VPS13D: variants seen among roughly 807,000 people sequenced by gnomAD.
The protein encoded by VPS13D is intermembrane lipid transfer protein VPS13D.
A neutral mutation model predicts 461.9 loss-of-function variants in VPS13D; 187 were observed. That is an observed-to-expected ratio of 0.40 (90% CI 0.36 to 0.46). The LOEUF is 0.46. Among genes scored for constraint, VPS13D ranks in the 20% least tolerant of loss-of-function variants. VPS13D has a pLI of 0.60. For missense variants in VPS13D, 4,711 were observed against 5,364.9 expected (o/e 0.88, Z 3.81); for synonymous variants, 1,951 against 1,986.3 (o/e 0.98, Z 0.47).
intron 5 of VPS13D, among the ~76,000 whole-genome samples, chr1:12,247,772 C>G (rs148140482): frequency 6.7e-6 from 1 of 149,634 alleles, no homozygotes; most frequent in African/African-American, 2.5e-5. Flanking sequence ...GGCGTGATCT[C>G]GGCTCACTGC....
At chr1:12,240,216 A>G (rs920143458) in intron 2 of VPS13D, among the ~76,000 whole-genome samples, 8 of 151,948 alleles carry the variant, frequency 5.3e-5, no homozygotes, top group South Asian at 2.1e-4. Flanking sequence ...GTTGCCTGCA[A>G]TTCCCTTTAC....
At chr1:12,381,179 C>A (rs1236673621) in intron 57 of VPS13D, among the ~76,000 whole-genome samples, 1 of 152,168 alleles carries the variant, frequency 6.6e-6, no homozygotes, top group African/African-American at 2.4e-5. Flanking sequence ...TCTTATTATG[C>A]TGAATAAAGT....
At chr1:12,354,470 G>A (rs1194090660) in intron 47 of VPS13D, among the ~76,000 whole-genome samples, 1 of 152,012 alleles carries the variant, frequency 6.6e-6, no homozygotes, top group Admixed American at 6.6e-5. Context: ...GAAGTTCGAG[G>A]CTTCAGTGAG....
At chr1:12,431,454 A>G (rs1169924437) in intron 65 of VPS13D, among the ~76,000 whole-genome samples, 1 of 150,194 alleles carries the variant, frequency 6.7e-6, no homozygotes, top group African/African-American at 2.5e-5. Context: ...CTGGCTACAG[A>G]TCTAGTATGA....
intron 60 of VPS13D, among the ~76,000 whole-genome samples, chr1:12,398,373 T>G (rs1217391385): frequency 6.6e-6 from 1 of 152,114 alleles, no homozygotes; most frequent in East Asian, 1.9e-4. Flanking sequence ...CTTTTTTTTT[T>G]TTTTGAGACG....
At chr1:12,401,816 A>G (rs1167562145) in intron 62 of VPS13D, 112 bp downstream of exon 62, 5 of 769,132 alleles carry the variant, frequency 6.5e-6, no homozygotes, top group Non-Finnish European at 1.1e-5. Flanking sequence ...CCCTTTCCAC[A>G]TCTCAGCCTG....
intron 60 of VPS13D, among the ~76,000 whole-genome samples, chr1:12,399,538 G>A (rs1644546027): frequency 6.6e-6 from 1 of 152,028 alleles, no homozygotes. Context: ...GTGTATAGTT[G>A]GCTGAGTGCG....
At chr1:12,347,235 G>T (rs532841802) in intron 44 of VPS13D, among the ~76,000 whole-genome samples, 1 of 151,666 alleles carries the variant, frequency 6.6e-6, no homozygotes, top group Non-Finnish European at 1.5e-5. Flanking sequence ...CAGTGGTGCC[G>T]TCTCAGCTCA....
intron 67 of VPS13D, among the ~76,000 whole-genome samples, chr1:12,475,199 G>A (rs1180284777): frequency 6.6e-6 from 1 of 152,180 alleles, no homozygotes; most frequent in African/African-American, 2.4e-5. Context: ...CAAGAGAACA[G>A]GATTGCAAAT....
chr1:12,343,511 C>A (rs72866701), intron 42 of VPS13D, among the ~76,000 whole-genome samples: 8 of 151,902 alleles, frequency 5.3e-5, no homozygotes, highest in Admixed American at 6.6e-5. Context: ...AAAGATATTT[C>A]GTAAATCAGT....
At position 12,508,896 on chromosome 1, in the gene VPS13D, C is replaced by T. The variant is rs1646149267; in HGVS notation, c.13039C>T (p.His4347Tyr). ...PGPSHQKPMVHVKSEVLAVKL... is the reference protein window; with the variant it reads ...PGPSHQKPMVYVKSEVLAVKL... ...CCCATCCTGTTCTCCTCCTTAGGTCCATGTGAAATCTGAGGTCCTTGCTGT... is the reference window on the plus strand; with the variant it reads ...CCCATCCTGTTCTCCTCCTTAGGTCTATGTGAAATCTGAGGTCCTTGCTGT... The change falls in exon 70 of 70, where the codon CAT (histidine) becomes TAT (tyrosine). Residue 4347 changes from histidine (H) to tyrosine (Y), a missense_variant. Physicochemically the swap from His to Tyr is moderately conservative, Grantham distance 83. Coordinates refer to ENST00000620676, the MANE Select transcript of VPS13D (RefSeq NM_015378.4). The T allele has an allele frequency of 6.2e-7, 1 of 1,614,010 alleles. No individual in the cohort carries two copies. The highest frequency in any genetic ancestry group is 1.3e-5 in the African/African-American group (1 of 75,058).
chr1:12,258,068 A>G lies in VPS13D; in HGVS notation c.1075A>G (p.Lys359Glu). 1 of 1,614,226 alleles carries G rather than the reference A, an allele frequency of 6.2e-7. No individual in the cohort carries two copies. Among genetic ancestry groups the G allele is most frequent in the Non-Finnish European group, 8.5e-7 (1 of 1,180,040 alleles). ...AVSYTDKYFN[K>E]LKGGLLSTDD... ...ATCTTACACTGACAAATATTTCAAC[A>G]AGTTAAAAGGAGGCCTGCTGTCCAC... is the stretch of plus-strand genomic sequence containing the variant. Residue 359 changes from lysine (K) to glutamate (E), a missense_variant, in exon 10 of 70, where the codon AAG becomes GAG. Around this residue, in one of 3 missense-constraint regions of VPS13D, gnomAD observed 4,411 missense variants for 4,937.8 expected, o/e 0.89. Coordinates refer to ENST00000620676, the MANE Select transcript of VPS13D (RefSeq NM_015378.4).
chr1:12,455,979 T>C lies in VPS13D; in HGVS notation c.12334-19T>C. On this transcript the variant is annotated intron_variant, in intron 65 of 69. Coordinates refer to ENST00000620676, the MANE Select transcript of VPS13D (RefSeq NM_015378.4). Reference sequence around the variant, plus strand: ...TGCCAAGACTTTAAAACTCTTCTCCTGCTTTTAACTCCTTCTAGTTTGCTG... The same window carrying C: ...TGCCAAGACTTTAAAACTCTTCTCCCGCTTTTAACTCCTTCTAGTTTGCTG... The C allele has an allele frequency of 6.3e-7, 1 of 1,585,652 alleles. No homozygotes were observed. The highest frequency in any genetic ancestry group is 1.2e-5 in the South Asian group (1 of 85,678).
In VPS13D at chr1:12,299,322, T is replaced by C. The variant is rs1456654398; in HGVS notation, c.6154T>C (p.Leu2052=). The change falls in exon 25 of 70, where the codon TTG becomes CTG. Residue 2052 remains leucine (L), a synonymous_variant. Transcript: ENST00000620676. This position sits in a 1 kb window ranked among gnomAD's most constrained non-coding sequence, Gnocchi z 4.2. Reference sequence around the variant, plus strand: ...TCTGATTGTAGCAAATTTGGGGAAGTTGAAAGTCAAAAATAAGTTTCTGTT... The same window carrying C: ...TCTGATTGTAGCAAATTTGGGGAAGCTGAAAGTCAAAAATAAGTTTCTGTT... ...NNLIVANLGK[L]KVKNKFLFAG... is the part of the protein sequence containing the mutation. 2 of 1,613,910 alleles carry C rather than the reference T, an allele frequency of 1.2e-6. No individual in the cohort carries two copies. Among genetic ancestry groups the C allele is most frequent in the Non-Finnish European group, 1.7e-6 (2 of 1,180,006 alleles).
At chr1:12,272,420 T>G (rs1031860164) in intron 17 of VPS13D, among the ~76,000 whole-genome samples, 2 of 151,548 alleles carry the variant, frequency 1.3e-5, no homozygotes, top group Non-Finnish European at 1.5e-5. Flanking sequence ...TGTGTGTGTG[T>G]GTGTGTGTGT....
intron 58 of VPS13D, among the ~76,000 whole-genome samples, chr1:12,384,501 G>T (rs1457583080): frequency 6.6e-6 from 1 of 152,190 alleles, no homozygotes; most frequent in East Asian, 1.9e-4. Context: ...GGAGAGATCT[G>T]TGATGGGGAT....
intron 43 of VPS13D, among the ~76,000 whole-genome samples, chr1:12,346,290 CA>C (rs984073918): frequency 1.6e-4 from 24 of 152,232 alleles, no homozygotes; most frequent in African/African-American, 5.8e-4. Context: ...AAAACAAAAA[CA>C]AAAACAAAAC....
chr1:12,275,796 T>C lies in VPS13D; in HGVS notation c.2237-29T>C, dbSNP rs556525012. 6.9e-5 allele frequency: 106 copies of C among 1,534,382 alleles called. 1 individual carries two copies. In the South Asian group the frequency reaches 1.3e-3, roughly 18 times the overall value. On this transcript the variant is annotated intron_variant, in intron 18 of 69. Coordinates refer to ENST00000620676, the MANE Select transcript of VPS13D (RefSeq NM_015378.4). The stretch of plus-strand genomic sequence containing the variant: ...AAAGAGGAGGGAAATAGCAGACATA[T>C]ATTTGAATCTTCTTTTTTTTATCTT...
chr1:12,463,932 G>A (rs1393182265), intron 67 of VPS13D, among the ~76,000 whole-genome samples: 1 of 152,158 alleles, frequency 6.6e-6, no homozygotes, highest in Non-Finnish European at 1.5e-5. Flanking sequence ...GGGGTTTGAA[G>A]CCCAACCAGA....
Sources: gnomAD v4.1 joint callset for allele counts (sites outside exome capture counted in the v4.1 genomes callset) on GRCh38, gnomAD v4.1.1 for gene constraint, gnomAD v4.1.1 regional missense constraint, Gnocchi (gnomAD v3.1) non-coding constraint, MANE v1.5 for transcripts, NCBI Gene and HGNC (gene_info 2026-07-23, HGNC 2026-07-21) for gene names.